Variants in SSTR3 observed in about 807,000 individuals in gnomAD.
SSTR3 encodes somatostatin receptor 3, also known as somatostatin receptor type 3.
For missense variants in SSTR3, 504 were observed against 604.7 expected, an observed-to-expected ratio of 0.83 and a Z score of 1.75; for synonymous variants, 281 against 269.2, an observed-to-expected ratio of 1.04 and a Z score of -0.43.
chr22:37,207,064 C>A lies in SSTR3; in HGVS notation c.740G>T (p.Arg247Leu). ...GACCCTGCGTTCGGAGCGCCGCCGC[C>A]GCTGGCACGAGGGTGCCCACACCCG... Reference protein sequence around the residue: ...GRRVWAPSCQRRRRSERRVTR... With the variant: ...GRRVWAPSCQLRRRSERRVTR... The change falls in exon 2 of 2, where the codon CGG (arginine) becomes CTG (leucine). Residue 247 changes from arginine to leucine, a missense_variant. Physicochemically the swap from Arg to Leu is moderately radical, Grantham distance 102. Coordinates refer to ENST00000610913, the MANE Select transcript of SSTR3 (RefSeq NM_001051.5). The A allele has an allele frequency of 6.2e-7, 1 of 1,612,104 alleles. No individual in the cohort carries two copies. The highest frequency in any genetic ancestry group is 8.5e-7 in the Non-Finnish European group (1 of 1,179,450).
Position 37,207,652 on chromosome 22 carries a change from T to C in SSTR3, c.152A>G (p.Tyr51Cys). 6.3e-7 allele frequency: 1 copy of C among 1,592,248 alleles called. No homozygotes were observed. The highest frequency in any genetic ancestry group is 8.6e-7 in the Non-Finnish European group (1 of 1,165,946). Residue 51 changes from tyrosine to cysteine, a missense_variant, in exon 2 of 2, where the codon TAC (tyrosine) becomes TGC (cysteine). Physicochemically the swap from Tyr to Cys is radical, Grantham distance 194. Coordinates refer to ENST00000610913, the MANE Select transcript of SSTR3 (RefSeq NM_001051.5). The part of the protein sequence containing the change: ...AVSGVLIPLV[Y>C]LVVCVVGLLG... ...CAGGCCCACCACGCACACCACCAGG[T>C]AGACCAGGGGGATCAGAACGCCACT... is the stretch of plus-strand genomic sequence containing the variant.
At chr22:37,211,076 G>T in intron 1 of SSTR3, 1 of 684,104 alleles carries the variant, frequency 1.5e-6, no homozygotes, top group Non-Finnish European at 1.8e-6. Context: ...AGAGTGGGAA[G>T]CCAGAATTCG....
chr22:37,214,911 G>C (rs377405268), upstream of SSTR3, among the ~76,000 whole-genome samples: 23 of 152,172 alleles, frequency 1.5e-4, 1 homozygote, highest in South Asian at 3.7e-3. Context: ...CCGGTGCCGC[G>C]AGTCCCTAGC....
At chr22:37,210,736 C>T in intron 1 of SSTR3, 15 of 985,448 alleles carry the variant, frequency 1.5e-5, no homozygotes, top group Non-Finnish European at 1.8e-5. Flanking sequence ...CTGTCCTGAG[C>T]CGCACAGCCC....
chr22:37,206,952 T>C lies in SSTR3; in HGVS notation c.852A>G (p.Pro284=), dbSNP rs747528360. The C allele has an allele frequency of 6.2e-7, 1 of 1,612,480 alleles. No individual in the cohort carries two copies. The highest frequency in any genetic ancestry group is 8.5e-7 in the Non-Finnish European group (1 of 1,179,284). The change falls in exon 2 of 2, where the codon CCA becomes CCG. Residue 284 remains proline, a synonymous_variant. Coordinates refer to ENST00000610913, the MANE Select transcript of SSTR3 (RefSeq NM_001051.5). ...YVLNIVNVVC[P]LPEEPAFFGL... ...CAAAGAAGGCAGGCTCCTCGGGCAG[T>C]GGGCACACCACGTTGACGATGTTGA...
At chr22:37,216,865 A>G (rs966763375), upstream of SSTR3, among the ~76,000 whole-genome samples, 21 of 152,128 alleles carry the variant, frequency 1.4e-4, no homozygotes, top group Admixed American at 6.6e-4. Context: ...CAGTGGTTCA[A>G]TCTCGGCTCA....
At chr22:37,217,389 A>G (rs576959861), upstream of SSTR3, among the ~76,000 whole-genome samples, 1 of 152,334 alleles carries the variant, frequency 6.6e-6, no homozygotes, top group East Asian at 1.9e-4. Flanking sequence ...AAAATTTTAT[A>G]ACAAGATTTG....
chr22:37,220,435 C>G, the SSTR3 span, among the ~76,000 whole-genome samples: 1 of 152,096 alleles, frequency 6.6e-6, no homozygotes, highest in African/African-American at 2.4e-5. Flanking sequence ...GCCTGTAGTC[C>G]CAGCTACTCA....
chr22:37,213,079 C>T (rs149915167), upstream of SSTR3, among the ~76,000 whole-genome samples: 536 of 152,312 alleles, frequency 3.5e-3, 4 homozygotes, highest in African/African-American at 0.013. Flanking sequence ...GTTCTTTTTA[C>T]AGACATCACC....
intron 1 of SSTR3, chr22:37,210,654 G>A: frequency 1.0e-6 from 1 of 985,508 alleles, no homozygotes; most frequent in Non-Finnish European, 1.2e-6. Flanking sequence ...TTTGGCACAA[G>A]CTTGCCTGAA....
rs1451943784 is a variant in SSTR3 at position 37,211,932 on chromosome 22, G to T, written c.-144C>A. 45 of 985,504 alleles carry T rather than the reference G, an allele frequency of 4.6e-5. No individual in the cohort carries two copies. The highest frequency in any genetic ancestry group is 5.3e-5 in the Non-Finnish European group (44 of 830,088). 61.0% of individuals were successfully genotyped at this position (985,504 alleles called of 1,614,324 possible). On this transcript the variant is annotated 5_prime_UTR_variant, in exon 1 of 2. Transcript: ENST00000610913. ...TGCCCCCAGGGCACTCCTAACTAGG[G>T]TCCCCACAAGGCACCCACTTCTAGA...
At chr22:37,215,556 T>A (rs1448563637), upstream of SSTR3, among the ~76,000 whole-genome samples, 2 of 152,134 alleles carry the variant, frequency 1.3e-5, no homozygotes, top group Non-Finnish European at 2.9e-5. Flanking sequence ...AAATAAAAGA[T>A]CTCACCTATG....
chr22:37,219,844 G>A, the SSTR3 span, among the ~76,000 whole-genome samples: 1 of 152,196 alleles, frequency 6.6e-6, no homozygotes, highest in Non-Finnish European at 1.5e-5. Context: ...GCACATCCAG[G>A]TCAGCTCTTG....
In SSTR3 at chr22:37,212,249, G is replaced by GGGAGAGGGGGAGAGAGAGAGAA. The variant is rs1926238666; in HGVS notation, c.-462_-461insTTCTCTCTCTCTCCCCCTCTCC. On this transcript the variant is annotated 5_prime_UTR_variant, in exon 1 of 2. It introduces an in-frame stop codon into an upstream open reading frame of the 5' UTR. Coordinates refer to ENST00000610913, the MANE Select transcript of SSTR3 (RefSeq NM_001051.5). Reference sequence around the variant, plus strand: ...AAAGAGGGAGGGGGAGAGAGAGAGAGGGAGAGGGAGAGGAGACCGTGAGTA... The same window carrying GGGAGAGGGGGAGAGAGAGAGAA: ...AAAGAGGGAGGGGGAGAGAGAGAGAGGGAGAGGGGGAGAGAGAGAGAAGGAGAGGGAGAGGAGACCGTGAGTA... 3 of 598,994 alleles carry GGGAGAGGGGGAGAGAGAGAGAA rather than the reference G, an allele frequency of 5.0e-6. No individual in the cohort carries two copies. Among genetic ancestry groups the GGGAGAGGGGGAGAGAGAGAGAA allele is most frequent in the Admixed American group, 1.3e-4 (2 of 15,790 alleles). The allele number at this position is 598,994 out of a possible 1,614,324, so 37.1% of individuals were successfully genotyped here.
intron 1 of SSTR3, 60 bp from the exon 2 acceptor site, chr22:37,207,899 T>G: frequency 7.3e-7 from 1 of 1,377,914 alleles, no homozygotes; most frequent in East Asian, 2.7e-5. Context: ...TGCTGCCCCC[T>G]CCCATCATGC....
chr22:37,209,827 C>T (rs1349005270), intron 1 of SSTR3, among the ~76,000 whole-genome samples: 2 of 152,250 alleles, frequency 1.3e-5, no homozygotes, highest in African/African-American at 4.8e-5. Flanking sequence ...CAGCTGGCAT[C>T]CGCTTTCCCA....
At position 37,207,796 on chromosome 22, in the gene SSTR3, A is replaced by G. The variant is rs146051676; in HGVS notation, c.8T>C (p.Met3Thr). 2.6e-6 allele frequency: 4 copies of G among 1,509,540 alleles called. No individual in the cohort carries two copies. Among genetic ancestry groups the G allele is most frequent in the African/African-American group, 2.8e-5 (2 of 71,470 alleles). 93.5% of individuals were successfully genotyped at this position (1,509,540 alleles called of 1,614,324 possible). The change falls in exon 2 of 2, where the codon ATG becomes ACG. Residue 3 changes from methionine (M) to threonine (T), a missense_variant. Met to Thr is a moderately conservative substitution (Grantham distance 81). Coordinates refer to ENST00000610913, the MANE Select transcript of SSTR3 (RefSeq NM_001051.5). ...CGTGGACACCGATGATGGATGAAGC[A>G]TGTCCATGGCTGAGGGGAGGGTGGT... MD[M>T]LHPSSVSTTS... is the part of the protein sequence containing the mutation.
intron 1 of SSTR3, among the ~76,000 whole-genome samples, chr22:37,209,976 A>G (rs961175741): frequency 6.6e-6 from 1 of 152,262 alleles, no homozygotes; most frequent in Non-Finnish European, 1.5e-5. Flanking sequence ...GTATCCTTGA[A>G]TCAGAGAATG....
chr22:37,212,030 C>A lies in SSTR3; in HGVS notation c.-242G>T, dbSNP rs34198022. On this transcript the variant is annotated 5_prime_UTR_variant, in exon 1 of 2. It introduces an in-frame stop codon into an upstream open reading frame of the 5' UTR. Coordinates refer to ENST00000610913, the MANE Select transcript of SSTR3 (RefSeq NM_001051.5). ...CACAGAGCCTCTCCCATCTGGTCTCCGGCCCTGACTTCCCAACCAGAGCCT... is the reference window on the plus strand; with the variant it reads ...CACAGAGCCTCTCCCATCTGGTCTCAGGCCCTGACTTCCCAACCAGAGCCT... 1 of 985,694 alleles carries A rather than the reference C, an allele frequency of 1.0e-6. No homozygotes were observed. Among genetic ancestry groups the A allele is most frequent in the African/African-American group, 1.7e-5 (1 of 57,228 alleles). 61.1% of individuals were successfully genotyped at this position (985,694 alleles called of 1,614,324 possible).
Sources: allele counts gnomAD v4.1 joint callset (sites outside exome capture counted in the v4.1 genomes callset), GRCh38; gene constraint gnomAD v4.1.1; transcripts MANE v1.5; gene names NCBI Gene and HGNC (gene_info 2026-07-23, HGNC 2026-07-21).